DNAJB4: variants seen among roughly 807,000 people sequenced by gnomAD.
DNAJB4 encodes the protein dnaJ homolog subfamily B member 4.
DNAJB4 carries 10 observed loss-of-function variants against 26.6 expected under a neutral mutation model. The observed-to-expected ratio is 0.38, with a 90% CI of 0.23 to 0.64. The LOEUF (loss-of-function observed/expected upper bound fraction) is 0.64, where lower values mean the gene tolerates loss of function less well. Ranked by LOEUF, DNAJB4 falls within the 30% of genes least tolerant of loss-of-function variation. The probability of loss-of-function intolerance (pLI) is 0.58; values close to 1 mark genes in which losing one functional copy is unlikely to be tolerated. For synonymous variants in DNAJB4, 136 were observed against 134.8 expected (o/e 1.01, Z -0.06); for missense variants, 328 against 408.2 (o/e 0.80, Z 1.69).
rs1177664129 is a variant in DNAJB4, at chr1:78,005,155, T to A, written c.45T>A (p.Ala15=). The A allele has an allele frequency of 6.2e-7, 1 of 1,614,094 alleles. No individual in the cohort carries two copies. Among genetic ancestry groups the A allele is most frequent in the Non-Finnish European group, 8.5e-7 (1 of 1,179,994 alleles). Residue 15 remains alanine (A), a synonymous_variant, in exon 1 of 3, where the codon GCT becomes GCA. Coordinates refer to ENST00000370763, the MANE Select transcript of DNAJB4 (RefSeq NM_007034.5). ...YYCILGIEKG[A]SDEDIKKAYR... ...GCATTTTGGGAATTGAGAAAGGAGC[T>A]TCAGATGAAGATATTAAAAAGGCTT...
chr1:77,981,725 G>T (rs1253609333), intron 1 of DNAJB4, among the ~76,000 whole-genome samples: 1 of 152,174 alleles, frequency 6.6e-6, no homozygotes, highest in East Asian at 1.9e-4. Context: ...AAGCTGGGAG[G>T]AATATTTGGG....
chr1:78,010,881 T>C (rs1432194230), intron 1 of DNAJB4, among the ~76,000 whole-genome samples: 1 of 152,216 alleles, frequency 6.6e-6, no homozygotes. Flanking sequence ...AGAAGGACTT[T>C]AGGAATTAGT....
chr1:77,999,514 G>A (rs188148282), intron 1 of DNAJB4, among the ~76,000 whole-genome samples: 74 of 151,952 alleles, frequency 4.9e-4, no homozygotes, highest in Middle Eastern at 3.4e-3. Flanking sequence ...GCAAGATCTT[G>A]GGGGATGCCA....
chr1:78,004,591 C>CT (rs1325878057), upstream of DNAJB4: 1 of 152,718 alleles, frequency 6.5e-6, no homozygotes, highest in African/African-American at 2.4e-5. Flanking sequence ...TGTATATTAA[C>CT]TTTAACTTCT....
At chr1:78,015,596 C>T (rs1471701068) in intron 2 of DNAJB4, among the ~76,000 whole-genome samples, 44 of 133,342 alleles carry the variant, frequency 3.3e-4, no homozygotes, top group African/African-American at 1.3e-3. Context: ...GTTGCCCAGG[C>T]TGGAGTGCAA....
chr1:77,979,228 G>T (rs2102569084), upstream of DNAJB4: 8 of 533,274 alleles, frequency 1.5e-5, no homozygotes, highest in South Asian at 1.8e-4. Context: ...GACGTCGCGA[G>T]GATTAAGTTT....
At chr1:78,005,942 T>C (rs1249953720) in intron 1 of DNAJB4, among the ~76,000 whole-genome samples, 1 of 152,230 alleles carries the variant, frequency 6.6e-6, no homozygotes, top group Non-Finnish European at 1.5e-5. Flanking sequence ...TGTCATAAAA[T>C]ACCAGAACAA....
intron 2 of DNAJB4, among the ~76,000 whole-genome samples, chr1:78,014,854 G>T (rs1442160725): frequency 6.6e-6 from 1 of 152,006 alleles, no homozygotes; most frequent in African/African-American, 2.4e-5. Flanking sequence ...GCCCACCTCG[G>T]CCTCCCAAAG....
intron 1 of DNAJB4, among the ~76,000 whole-genome samples, chr1:77,981,943 A>ATTAATTT (rs1392984510): frequency 6.6e-6 from 1 of 152,228 alleles, no homozygotes; most frequent in Non-Finnish European, 1.5e-5. Context: ...GAAATAGATT[A>ATTAATTT]TTAATTTTTA....
upstream of DNAJB4, chr1:78,004,817 A>G: frequency 3.2e-6 from 1 of 313,776 alleles, no homozygotes; most frequent in Non-Finnish European, 5.9e-6. Flanking sequence ...CAGCTGGGAA[A>G]GTGACGTCCT....
chr1:77,993,244 G>A (rs985898189), intron 1 of DNAJB4, among the ~76,000 whole-genome samples: 15 of 152,090 alleles, frequency 9.9e-5, no homozygotes, highest in Non-Finnish European at 1.2e-4. Flanking sequence ...CAACTCTACC[G>A]CTGTCTGGCA....
intron 1 of DNAJB4, among the ~76,000 whole-genome samples, chr1:77,982,875 C>T (rs1230453688): frequency 1.3e-5 from 2 of 152,204 alleles, no homozygotes; most frequent in African/African-American, 2.4e-5. Context: ...TATGTGAATC[C>T]GTAAAAGCTT....
At chr1:78,002,383 A>G (rs981037254), upstream of DNAJB4, among the ~76,000 whole-genome samples, 2 of 152,224 alleles carry the variant, frequency 1.3e-5, no homozygotes, top group African/African-American at 4.8e-5. Context: ...ACTCCTAGGT[A>G]GTAGAGAAGA....
At chr1:77,996,406 C>T (rs1312366376) in intron 1 of DNAJB4, among the ~76,000 whole-genome samples, 1 of 152,052 alleles carries the variant, frequency 6.6e-6, no homozygotes, top group South Asian at 2.1e-4. Flanking sequence ...CCTCTCACCT[C>T]GTGCTTCTAA....
chr1:77,999,345 C>T (rs981879402), intron 1 of DNAJB4, among the ~76,000 whole-genome samples: 6 of 151,538 alleles, frequency 4.0e-5, no homozygotes, highest in African/African-American at 1.5e-4. Context: ...ACTTGAGTAT[C>T]AGATGTATGT....
intron 1 of DNAJB4, among the ~76,000 whole-genome samples, chr1:78,008,500 T>A (rs1660386941): frequency 6.6e-6 from 1 of 152,204 alleles, no homozygotes; most frequent in African/African-American, 2.4e-5. Flanking sequence ...GACTATATAT[T>A]GTATGATTTT....
In DNAJB4 at chr1:77,993,316, TA is replaced by T. The variant is rs1266256199; in HGVS notation, c.-31-11763del. 1.7e-4 allele frequency among the ~76,000 whole-genome samples: 26 copies of T among 152,096 alleles called. 1 individual carries two copies. The highest frequency in any genetic ancestry group is 6.6e-5 in the Admixed American group (1 of 15,262). On this transcript the variant is annotated intron_variant, in intron 1 of 2. Coordinates refer to the DNAJB4 transcript ENST00000426517. ...TTATAGTATAAACTCCTTTTTCTTT[TA>T]TTTTTTTTCTTTTTTGAGATCGAGT... is the stretch of plus-strand genomic sequence containing the variant.
upstream of DNAJB4, among the ~76,000 whole-genome samples, chr1:77,980,030 C>T (rs990692360): frequency 3.3e-5 from 5 of 152,000 alleles, no homozygotes; most frequent in African/African-American, 1.2e-4. Flanking sequence ...CAACAGGCGC[C>T]TGCCACCACG....
Position 78,016,062 on chromosome 1 carries a change from A to T in DNAJB4, c.829A>T (p.Ile277Leu). The T allele has an allele frequency of 6.2e-7, 1 of 1,614,134 alleles. No individual in the cohort carries two copies. The highest frequency in any genetic ancestry group is 8.5e-7 in the Non-Finnish European group (1 of 1,180,022). The change falls in exon 3 of 3, where the codon ATA (isoleucine) becomes TTA (leucine). Residue 277 changes from isoleucine to leucine, a missense_variant. Ile to Leu is a conservative substitution (Grantham distance 5). Coordinates refer to ENST00000370763, the MANE Select transcript of DNAJB4 (RefSeq NM_007034.5). Reference sequence around the variant, plus strand: ...TGTACCAACACTGGATGGAAGAAACATACCTATGTCAGTAAATGATATTGT... The same window carrying T: ...TGTACCAACACTGGATGGAAGAAACTTACCTATGTCAGTAAATGATATTGT... ...INVPTLDGRNIPMSVNDIVKP... is the reference protein window; with the variant it reads ...INVPTLDGRNLPMSVNDIVKP...
Sources: allele counts gnomAD v4.1 joint callset (sites outside exome capture counted in the v4.1 genomes callset), GRCh38; gene constraint gnomAD v4.1.1; transcripts MANE v1.5; gene names NCBI Gene and HGNC (gene_info 2026-07-23, HGNC 2026-07-21).